Variants in COL18A1 observed in about 807,000 individuals in gnomAD.
COL18A1 encodes the protein collagen alpha-1(XVIII) chain.
Under a neutral mutation model 168.0 loss-of-function variants are expected in COL18A1, and 133 were observed. That is an observed-to-expected ratio of 0.79 (90% CI 0.69 to 0.91). The LOEUF is 0.91. Ranked by LOEUF, COL18A1 falls within the 40% of genes least tolerant of loss-of-function variation. The pLI, the probability that COL18A1 is intolerant of heterozygous loss-of-function variation, is 0.00. For missense variants in COL18A1, 2,126 were observed against 1,925.4 expected (o/e 1.10, Z -1.95); for synonymous variants, 949 against 809.0 (o/e 1.17, Z -2.94).
At position 45,497,114 on chromosome 21, in the gene COL18A1, C is replaced by A; in HGVS notation, c.2620+22C>A. 2.6e-6 allele frequency: 4 copies of A among 1,511,060 alleles called. No individual in the cohort carries two copies. The South Asian group carries it at 3.4e-5, about 13-fold the overall frequency. 93.6% of individuals were successfully genotyped at this position (1,511,060 alleles called of 1,614,324 possible). A position where few individuals can be genotyped will look rare whatever the true frequency, so the allele number is the denominator to read the frequency against. On this transcript the variant is annotated intron_variant, in intron 31 of 41. Coordinates refer to ENST00000651438, the MANE Select transcript of COL18A1 (RefSeq NM_001379500.1). The stretch of plus-strand genomic sequence containing the variant: ...CCAGGTGAGGGTCCTGGGCTCACAG[C>A]TGGGGACACAGGCTCTGAAGGGATG...
chr21:45,504,141 C>A, intron 33 of COL18A1, 87 bp downstream of exon 33: 1 of 1,457,524 alleles, frequency 6.9e-7, no homozygotes, highest in Non-Finnish European at 9.6e-7. Flanking sequence ...CCCCATCCGG[C>A]CCAAGCCCCC....
rs9680345 is a variant in COL18A1, at chr21:45,495,722, A to G, written c.2508+290A>G. 2.5e-4 allele frequency: 91 copies of G among 368,962 alleles called. 2 individuals carry two copies. The highest frequency in any genetic ancestry group is 6.1e-4 in the South Asian group (26 of 42,350). The allele number at this position is 368,962 out of a possible 1,614,324, so 22.9% of individuals were successfully genotyped here. On this transcript the variant is annotated intron_variant, in intron 29 of 41. Coordinates refer to ENST00000651438, the MANE Select transcript of COL18A1 (RefSeq NM_001379500.1). Reference sequence around the variant, plus strand: ...CATACACACGCGCACACATACACGCACACACACATCCACACGTGCTCATGT... The same window carrying G: ...CATACACACGCGCACACATACACGCGCACACACATCCACACGTGCTCATGT...
intron 30 of COL18A1, among the ~76,000 whole-genome samples, chr21:45,496,781 C>G (rs923179505): frequency 6.6e-6 from 1 of 152,244 alleles, no homozygotes; most frequent in Non-Finnish European, 1.5e-5. Context: ...CTGCTTCCAG[C>G]TGGCTCTGCT....
chr21:45,473,822 G>T lies in COL18A1; in HGVS notation c.652-73G>T. ...CCCTTTGTGGGCCCCCCGAAATCTG[G>T]AGCTCAAGCAGCACCGGGGTTGCCA... On this transcript the variant is annotated intron_variant, in intron 3 of 41. Transcript: ENST00000651438. The surrounding 1 kb of genome is among the most constrained non-coding windows in gnomAD (Gnocchi z 4.0). 3 of 1,278,578 alleles carry T rather than the reference G, an allele frequency of 2.3e-6. No homozygotes were observed. The highest frequency in any genetic ancestry group is 2.2e-6 in the Non-Finnish European group (2 of 901,454). The allele number at this position is 1,278,578 out of a possible 1,614,324, so 79.2% of individuals were successfully genotyped here.
intron 2 of COL18A1, among the ~76,000 whole-genome samples, chr21:45,446,462 A>G (rs968732603): frequency 2.0e-5 from 3 of 152,388 alleles, no homozygotes; most frequent in Admixed American, 6.5e-5. Context: ...TCAACAAGAA[A>G]TAGACAATGT....
At chr21:45,494,824 G>T in intron 27 of COL18A1, 38 bp from the exon 28 acceptor site, 2 of 1,580,396 alleles carry the variant, frequency 1.3e-6, no homozygotes, top group Non-Finnish European at 1.7e-6. Context: ...CAAGGGCCAG[G>T]GTCTGCCCCA....
At chr21:45,456,978 A>C in intron 2 of COL18A1, 10 of 1,005,186 alleles carry the variant, frequency 9.9e-6, no homozygotes, top group African/African-American at 1.7e-5. Flanking sequence ...TTCCCCCCAC[A>C]TCGAATCTCT....
At chr21:45,405,769 G>C (rs913576109) in intron 2 of COL18A1, among the ~76,000 whole-genome samples, 1 of 151,206 alleles carries the variant, frequency 6.6e-6, no homozygotes, top group Non-Finnish European at 1.5e-5. Context: ...TGCCGGGAGG[G>C]CTCGGGGCGG....
intron 32 of COL18A1, among the ~76,000 whole-genome samples, chr21:45,502,218 G>A (rs1005095247): frequency 1.3e-5 from 2 of 152,212 alleles, no homozygotes; most frequent in African/African-American, 4.8e-5. Flanking sequence ...CCCTGGGGGT[G>A]TGGAGCCACG....
chr21:45,408,123 G>A, intron 2 of COL18A1: 1 of 152,258 alleles, frequency 6.6e-6, no homozygotes, highest in East Asian at 1.9e-4. Flanking sequence ...CAGAGCAGGG[G>A]AAGTCCTCTG....
At chr21:45,408,767 A>T (rs576207036) in intron 2 of COL18A1, among the ~76,000 whole-genome samples, 1 of 152,004 alleles carries the variant, frequency 6.6e-6, no homozygotes, top group Non-Finnish European at 1.5e-5. Context: ...GCTTCTGCTC[A>T]GGAAGGAGAC....
chr21:45,425,863 GCAAACTTCA>G lies in COL18A1; in HGVS notation c.106+20391_106+20399del. 6.6e-6 allele frequency among the ~76,000 whole-genome samples: 1 copy of G among 152,290 alleles called. No homozygotes were observed. Among genetic ancestry groups the G allele is most frequent in the Admixed American group, 6.5e-5 (1 of 15,306 alleles). Reference sequence around the variant, plus strand: ...AAGTTAGAACAGCACATCTGTGCGTGCAAACTTCATTCTGACTTCGGCCGGCTGTCCTTC... The same window carrying G: ...AAGTTAGAACAGCACATCTGTGCGTGTTCTGACTTCGGCCGGCTGTCCTTC... On this transcript the variant is annotated intron_variant, in intron 2 of 41. Coordinates refer to ENST00000651438, the MANE Select transcript of COL18A1 (RefSeq NM_001379500.1). The surrounding 1 kb of genome is among the most constrained non-coding windows in gnomAD (Gnocchi z 4.1).
At chr21:45,413,796 A>T (rs935500805) in intron 2 of COL18A1, among the ~76,000 whole-genome samples, 3 of 152,190 alleles carry the variant, frequency 2.0e-5, no homozygotes, top group African/African-American at 7.2e-5. Context: ...TGCAGAGGCT[A>T]GAGGCAGGGT....
Position 45,417,236 on chromosome 21 carries a change from C to T in COL18A1, c.106+11763C>T, listed in dbSNP as rs78966479. 2.8e-3 allele frequency among the ~76,000 whole-genome samples: 430 copies of T among 152,322 alleles called. 2 individuals are homozygous for T. Among genetic ancestry groups the T allele is most frequent in the African/African-American group, 1.0e-2 (414 of 41,566 alleles). On this transcript the variant is annotated intron_variant, in intron 2 of 41. Transcript: ENST00000651438. Reference sequence around the variant, plus strand: ...AGACCCTGCTGGTTTTTGTATTTCACGTGGACTCACCTCCTGGCTTGTCAG... The same window carrying T: ...AGACCCTGCTGGTTTTTGTATTTCATGTGGACTCACCTCCTGGCTTGTCAG...
At position 45,512,338 on chromosome 21, in the gene COL18A1, C is replaced by A; in HGVS notation, c.3960C>A (p.Ser1320Arg). ...GGCTCCTGGGGCAGAGTGCCGCGAG[C>A]TGCCATCACGCCTACATCGTGCTCT... ...GGRLLGQSAA[S>R]CHHAYIVLCI... Residue 1320 changes from serine (S) to arginine (R), a missense_variant, in exon 42 of 42, where the codon AGC becomes AGA. Physicochemically the swap from Ser to Arg is moderately radical, Grantham distance 110. Coordinates refer to ENST00000651438, the MANE Select transcript of COL18A1 (RefSeq NM_001379500.1). The A allele has an allele frequency of 6.2e-7, 1 of 1,612,692 alleles. No individual in the cohort carries two copies. The highest frequency in any genetic ancestry group is 8.5e-7 in the Non-Finnish European group (1 of 1,179,828).
chr21:45,411,771 G>T lies in COL18A1; in HGVS notation c.106+6298G>T, dbSNP rs1214527268. Reference sequence around the variant, plus strand: ...TCAGGGCTGATGGCGGGGGGTGGGGGGGGGGCAGGCTGTGGTCAGGGACCT... The same window carrying T: ...TCAGGGCTGATGGCGGGGGGTGGGGTGGGGGCAGGCTGTGGTCAGGGACCT... On this transcript the variant is annotated intron_variant, in intron 2 of 41. Coordinates refer to ENST00000651438, the MANE Select transcript of COL18A1 (RefSeq NM_001379500.1). Among the ~76,000 whole-genome samples, 58 of 136,570 alleles carry T rather than the reference G, an allele frequency of 4.2e-4. 3 individuals are homozygous for T. Among genetic ancestry groups the T allele is most frequent in the Admixed American group, 2.0e-3 (27 of 13,752 alleles). 89.6% of individuals were successfully genotyped at this position (136,570 alleles called of 152,430 possible). A position where few individuals can be genotyped will look rare whatever the true frequency, so the allele number is the denominator to read the frequency against.
intron 1 of COL18A1, 54 bp downstream of exon 1, chr21:45,405,295 G>GGCTGCGGGGCTGCGGGC: frequency 9.3e-6 from 7 of 753,510 alleles, no homozygotes; most frequent in Non-Finnish European, 1.2e-5. Context: ...CGGCTGCGGG[G>GGCTGCGGGGCTGCGGGC]GTCGCGGGGG....
chr21:45,480,453 G>A lies in COL18A1; in HGVS notation c.1399-14G>A, dbSNP rs1231764595. 3.1e-6 allele frequency: 5 copies of A among 1,614,016 alleles called. No homozygotes were observed. Among genetic ancestry groups the A allele is most frequent in the African/African-American group, 2.7e-5 (2 of 74,934 alleles). On this transcript the variant is annotated splice_polypyrimidine_tract_variant and intron_variant, in intron 11 of 41. Coordinates refer to ENST00000651438, the MANE Select transcript of COL18A1 (RefSeq NM_001379500.1). ...GAGCTCAGGGCAACGTGTCTCTCCG[G>A]CTCTTTTCCTCAGACCTTCATTGAC...
At chr21:45,511,377 GA>G (rs1157703591) in intron 41 of COL18A1, 151 bp downstream of exon 41, 2 of 674,420 alleles carry the variant, frequency 3.0e-6, no homozygotes, top group Non-Finnish European at 5.4e-6. Context: ...AGAGCATTGA[GA>G]AAAATGAGAA....
Sources: gnomAD v4.1 joint callset for allele counts (sites outside exome capture counted in the v4.1 genomes callset) on GRCh38, gnomAD v4.1.1 for gene constraint, Gnocchi (gnomAD v3.1) non-coding constraint, MANE v1.5 for transcripts, NCBI Gene and HGNC (gene_info 2026-07-23, HGNC 2026-07-21) for gene names.